Variants in FNDC3A observed in about 807,000 individuals in gnomAD.
FNDC3A encodes the protein fibronectin type-III domain-containing protein 3A.
A neutral mutation model predicts 148.9 loss-of-function variants in FNDC3A; 32 were observed. The observed-to-expected ratio is 0.21, with a 90% CI of 0.16 to 0.29. The LOEUF (loss-of-function observed/expected upper bound fraction) is 0.29, where lower values mean the gene tolerates loss of function less well. FNDC3A is among the 10% of genes least tolerant of loss of function. The pLI is 1.00. For synonymous variants in FNDC3A, 472 were observed against 473.6 expected (o/e 1.00, Z 0.04); for missense variants, 1,191 against 1,452.8 (o/e 0.82, Z 2.93).
At position 49,167,224 on chromosome 13, in the gene FNDC3A, T is replaced by C; in HGVS notation, c.978-20T>C. 1.3e-6 allele frequency: 2 copies of C among 1,527,212 alleles called. No individual in the cohort carries two copies. The highest frequency in any genetic ancestry group is 1.2e-5 in the South Asian group (1 of 85,722). The allele number at this position is 1,527,212 out of a possible 1,614,324, so 94.6% of individuals were successfully genotyped here. A position where few individuals can be genotyped will look rare whatever the true frequency, so the allele number is the denominator to read the frequency against. On this transcript the variant is annotated intron_variant, in intron 8 of 25. Transcript: ENST00000492622. ...AATGCTTTATTTATCAGACATGATATATTACCCTTTTTTCCCCAGAGGAGA... is the reference window on the plus strand; with the variant it reads ...AATGCTTTATTTATCAGACATGATACATTACCCTTTTTTCCCCAGAGGAGA...
At chr13:49,013,234 G>C (rs185233019) in intron 2 of FNDC3A, among the ~76,000 whole-genome samples, 5 of 152,236 alleles carry the variant, frequency 3.3e-5, no homozygotes, top group Admixed American at 3.3e-4. Context: ...AGGATCACTT[G>C]AGCCTGGGGG....
chr13:49,039,698 T>C (rs1333367055), intron 2 of FNDC3A, among the ~76,000 whole-genome samples: 2 of 152,130 alleles, frequency 1.3e-5, no homozygotes, highest in Non-Finnish European at 2.9e-5. Context: ...TATCATACTT[T>C]TTCTGTTTTT....
intron 25 of FNDC3A, among the ~76,000 whole-genome samples, chr13:49,206,828 G>A (rs1335783007): frequency 2.0e-5 from 3 of 152,108 alleles, no homozygotes; most frequent in Non-Finnish European, 4.4e-5. Flanking sequence ...GCTGCCCTGG[G>A]GCACATCTGC....
intron 1 of FNDC3A, among the ~76,000 whole-genome samples, chr13:48,997,705 T>A (rs961827078): frequency 6.6e-6 from 1 of 152,164 alleles, no homozygotes; most frequent in Non-Finnish European, 1.5e-5. Flanking sequence ...CATCTTGGCC[T>A]CCGTAACTGT....
intron 4 of FNDC3A, among the ~76,000 whole-genome samples, chr13:49,121,116 G>A (rs1881311888): frequency 6.6e-6 from 1 of 152,172 alleles, no homozygotes; most frequent in South Asian, 2.1e-4. Flanking sequence ...CTCAGCAAAT[G>A]TAAAAGAACA....
At chr13:49,105,937 T>C (rs1880146125) in intron 3 of FNDC3A, among the ~76,000 whole-genome samples, 1 of 152,236 alleles carries the variant, frequency 6.6e-6, no homozygotes, top group African/African-American at 2.4e-5. Context: ...ATGGCTCTTA[T>C]TTTACTCAAA....
intron 2 of FNDC3A, among the ~76,000 whole-genome samples, chr13:49,054,255 T>G (rs1360802246): frequency 1.3e-5 from 2 of 152,152 alleles, no homozygotes; most frequent in Non-Finnish European, 2.9e-5. Flanking sequence ...CTAAGAAAGT[T>G]TTGACATTAT....
intron 10 of FNDC3A, among the ~76,000 whole-genome samples, chr13:49,170,828 G>A (rs1267249005): frequency 1.3e-5 from 2 of 152,112 alleles, no homozygotes; most frequent in African/African-American, 4.8e-5. Flanking sequence ...ATCAGTCTTA[G>A]GTTAAGGTGG....
chr13:49,153,305 C>G (rs1018268316), intron 8 of FNDC3A, among the ~76,000 whole-genome samples: 4 of 152,044 alleles, frequency 2.6e-5, no homozygotes, highest in African/African-American at 9.7e-5. Context: ...TTTTTGGCTG[C>G]CTAAATGTCT....
At chr13:49,158,349 A>G (rs940072634) in intron 8 of FNDC3A, among the ~76,000 whole-genome samples, 3 of 152,224 alleles carry the variant, frequency 2.0e-5, no homozygotes, top group Admixed American at 1.3e-4. Context: ...TGCGCTTCCC[A>G]AGTGAGGCAA....
At chr13:49,049,458 A>G (rs1482231360) in intron 2 of FNDC3A, among the ~76,000 whole-genome samples, 1 of 148,450 alleles carries the variant, frequency 6.7e-6, no homozygotes, top group African/African-American at 2.5e-5. Context: ...TTTTGTTTGC[A>G]GTTTTTTTCA....
chr13:49,026,176 T>G (rs938750166), intron 2 of FNDC3A, among the ~76,000 whole-genome samples: 6 of 152,188 alleles, frequency 3.9e-5, no homozygotes, highest in Non-Finnish European at 7.4e-5. Flanking sequence ...TTGTAAGATG[T>G]GAAGTCACTG....
intron 4 of FNDC3A, among the ~76,000 whole-genome samples, chr13:49,127,116 A>G (rs1042787905): frequency 5.3e-5 from 8 of 152,134 alleles, no homozygotes; most frequent in Admixed American, 5.2e-4. Context: ...TCCTGTCCAG[A>G]CCCGGTTCCC....
intron 8 of FNDC3A, among the ~76,000 whole-genome samples, chr13:49,157,441 T>C (rs1387874164): frequency 7.1e-6 from 1 of 140,600 alleles, no homozygotes; most frequent in Non-Finnish European, 1.5e-5. Context: ...TTTCAAAGTT[T>C]TCAACTTCTT....
intron 4 of FNDC3A, among the ~76,000 whole-genome samples, chr13:49,126,121 T>C (rs1343868395): frequency 6.6e-6 from 1 of 152,194 alleles, no homozygotes; most frequent in Non-Finnish European, 1.5e-5. Flanking sequence ...CCTAAGCCTC[T>C]GGAGACTTAG....
chr13:49,041,413 C>T (rs995270815), intron 2 of FNDC3A, among the ~76,000 whole-genome samples: 38 of 152,312 alleles, frequency 2.5e-4, no homozygotes, highest in Middle Eastern at 3.4e-3. Flanking sequence ...CAAAACCTCA[C>T]GTTACAAGAC....
At chr13:49,206,865 T>C (rs1410491877) in intron 25 of FNDC3A, among the ~76,000 whole-genome samples, 1 of 152,226 alleles carries the variant, frequency 6.6e-6, no homozygotes, top group African/African-American at 2.4e-5. Context: ...GTGAACCGTA[T>C]AAGGGTAGAT....
At chr13:49,125,073 G>A (rs921791304) in intron 4 of FNDC3A, among the ~76,000 whole-genome samples, 7 of 152,146 alleles carry the variant, frequency 4.6e-5, no homozygotes, top group Non-Finnish European at 7.3e-5. Flanking sequence ...ATCGCATAGC[G>A]TGGGGAAAGA....
chr13:49,195,410 A>T (rs1250702152), intron 19 of FNDC3A, among the ~76,000 whole-genome samples: 1 of 152,222 alleles, frequency 6.6e-6, no homozygotes, highest in Non-Finnish European at 1.5e-5. Context: ...GAAGGACTTA[A>T]CATTATCTGA....
Sources: allele counts gnomAD v4.1 joint callset (sites outside exome capture counted in the v4.1 genomes callset), GRCh38; gene constraint gnomAD v4.1.1; transcripts MANE v1.5; gene names NCBI Gene and HGNC (gene_info 2026-07-23, HGNC 2026-07-21).